RBFOX3: variants seen among roughly 807,000 people sequenced by gnomAD.
The protein encoded by RBFOX3 is RNA binding protein fox-1 homolog 3.
A neutral mutation model predicts 48.7 loss-of-function variants in RBFOX3; 17 were observed. The ratio of observed to expected loss-of-function variants is 0.35; its 90% CI spans 0.24 to 0.52. The LOEUF (loss-of-function observed/expected upper bound fraction) is 0.52. Among genes scored for constraint, RBFOX3 ranks in the 20% least tolerant of loss-of-function variants. RBFOX3 has a pLI of 0.94. For synonymous variants in RBFOX3, 212 were observed against 209.5 expected (o/e 1.01, Z -0.10); for missense variants, 382 against 497.5 (o/e 0.77, Z 2.21).
rs1158971425 is a variant in RBFOX3, at chr17:79,463,135, T to C, written c.-175+19319A>G. 6.3e-3 allele frequency among the ~76,000 whole-genome samples: 553 copies of C among 88,042 alleles called. 2 individuals are homozygous for C. Among genetic ancestry groups the C allele is most frequent in the Non-Finnish European group, 0.011 (454 of 41,466 alleles). 57.8% of individuals were successfully genotyped at this position (88,042 alleles called of 152,430 possible). A position where few individuals can be genotyped will look rare whatever the true frequency, so the allele number is the denominator to read the frequency against. ...TCGCCACTGCCATCGCCACCGCCACTGCCACCGCCACCTCCACCACCATCG... is the reference window on the plus strand; with the variant it reads ...TCGCCACTGCCATCGCCACCGCCACCGCCACCGCCACCTCCACCACCATCG... On this transcript the variant is annotated intron_variant, in intron 2 of 14. Coordinates refer to ENST00000693108, the MANE Select transcript of RBFOX3 (RefSeq NM_001350451.2).
intron 2 of RBFOX3, among the ~76,000 whole-genome samples, chr17:79,359,940 G>C (rs147192387): frequency 4.0e-4 from 61 of 152,202 alleles, no homozygotes; most frequent in African/African-American, 1.4e-3. Context: ...TGCCCAGGCT[G>C]ATCTCGAACT....
intron 2 of RBFOX3, among the ~76,000 whole-genome samples, chr17:79,348,556 A>G (rs78885237): frequency 5.8e-4 from 68 of 116,262 alleles, no homozygotes; most frequent in African/African-American, 2.1e-3. Context: ...AACAAACCCA[A>G]TTTCTTTTCT....
At chr17:79,306,106 C>T (rs1416040446) in intron 3 of RBFOX3, among the ~76,000 whole-genome samples, 1 of 152,266 alleles carries the variant, frequency 6.6e-6, no homozygotes, top group Non-Finnish European at 1.5e-5. Context: ...GGGCTCCATG[C>T]TCTGCAGAAA....
chr17:79,103,271 G>T lies in RBFOX3; in HGVS notation c.415-17C>A. On this transcript the variant is annotated splice_polypyrimidine_tract_variant and intron_variant, in intron 7 of 14. Coordinates refer to ENST00000693108, the MANE Select transcript of RBFOX3 (RefSeq NM_001350451.2). This position sits in a 1 kb window ranked among gnomAD's most constrained non-coding sequence, Gnocchi z 6.1. ...CCCAAAACCCTGTGAGCAGAGGAGA[G>T]GGAAGGACAGGCACGGAGAGGAGGA... The T allele has an allele frequency of 6.5e-7, 1 of 1,530,502 alleles. No individual in the cohort carries two copies. The highest frequency in any genetic ancestry group is 8.9e-7 in the Non-Finnish European group (1 of 1,128,060). The allele number at this position is 1,530,502 out of a possible 1,614,324, so 94.8% of individuals were successfully genotyped here. A position where few individuals can be genotyped will look rare whatever the true frequency, so the allele number is the denominator to read the frequency against.
At chr17:79,365,340 A>C (rs1263558569) in intron 2 of RBFOX3, among the ~76,000 whole-genome samples, 3 of 152,238 alleles carry the variant, frequency 2.0e-5, no homozygotes, top group Non-Finnish European at 1.5e-5. Context: ...TAAGTAATAC[A>C]ACAAACTCCT....
the RBFOX3 span, among the ~76,000 whole-genome samples, chr17:79,647,655 CAG>C: frequency 1.3e-5 from 2 of 152,188 alleles, no homozygotes; most frequent in African/African-American, 4.8e-5. Flanking sequence ...ACATGCCACA[CAG>C]AGCACCCCAG....
the RBFOX3 span, among the ~76,000 whole-genome samples, chr17:79,650,870 T>A: frequency 6.6e-6 from 1 of 152,150 alleles, no homozygotes; most frequent in Non-Finnish European, 1.5e-5. Context: ...AGCATCTCCA[T>A]GCCTGAAGCT....
chr17:79,261,132 G>A (rs1234304478), intron 3 of RBFOX3, among the ~76,000 whole-genome samples: 5 of 151,916 alleles, frequency 3.3e-5, no homozygotes, highest in South Asian at 2.1e-4. Context: ...CCCACCCCAC[G>A]GCGTTCGCTC....
At chr17:79,342,771 T>C (rs2082301664) in intron 2 of RBFOX3, among the ~76,000 whole-genome samples, 1 of 152,134 alleles carries the variant, frequency 6.6e-6, no homozygotes, top group Admixed American at 6.5e-5. Flanking sequence ...ACAGGCGAAA[T>C]GTGGCTTTAA....
chr17:79,592,052 TG>T (rs2093434666), intron 1 of RBFOX3, among the ~76,000 whole-genome samples: 1 of 150,414 alleles, frequency 6.6e-6, no homozygotes, highest in South Asian at 2.1e-4. Context: ...TGTATGTGTG[TG>T]GGTGTGTGCA....
At chr17:79,572,622 G>T (rs2092716332) in intron 1 of RBFOX3, among the ~76,000 whole-genome samples, 3 of 152,222 alleles carry the variant, frequency 2.0e-5, no homozygotes. Flanking sequence ...TTCCCCGGAG[G>T]TGGCCCCAGG....
At chr17:79,197,914 C>G (rs2055982334) in intron 4 of RBFOX3, among the ~76,000 whole-genome samples, 1 of 152,166 alleles carries the variant, frequency 6.6e-6, no homozygotes, top group Non-Finnish European at 1.5e-5. Context: ...CCTTCCTCAC[C>G]TCCCCCGACT....
At chr17:79,602,363 C>T (rs2093724620) in intron 1 of RBFOX3, among the ~76,000 whole-genome samples, 1 of 152,214 alleles carries the variant, frequency 6.6e-6, no homozygotes. Context: ...GTAATTCTCA[C>T]CTTAAATTTC....
At chr17:79,607,239 G>A (rs2093853266) in intron 1 of RBFOX3, among the ~76,000 whole-genome samples, 1 of 152,112 alleles carries the variant, frequency 6.6e-6, no homozygotes, top group South Asian at 2.1e-4. Flanking sequence ...AAAGTTTCAA[G>A]ATGGCTTCTT....
In RBFOX3 at chr17:79,530,174, C is replaced by T. The variant is rs1017105210; in HGVS notation, c.-319-47576G>A. ...ATCGGCAAAGTGAGTTTTCTTCGTTCTCACCCTGGAGAAAACCTCCAGCTG... is the reference window on the plus strand; with the variant it reads ...ATCGGCAAAGTGAGTTTTCTTCGTTTTCACCCTGGAGAAAACCTCCAGCTG... On this transcript the variant is annotated intron_variant, in intron 1 of 14. Coordinates refer to ENST00000693108, the MANE Select transcript of RBFOX3 (RefSeq NM_001350451.2). Among the ~76,000 whole-genome samples the T allele has an allele frequency of 9.1e-3, 1,380 of 152,302 alleles. 21 individuals are homozygous for T. The highest frequency in any genetic ancestry group is 0.012 in the Non-Finnish European group (819 of 68,030).
At chr17:79,654,571 C>T in the RBFOX3 span, among the ~76,000 whole-genome samples, 1 of 152,184 alleles carries the variant, frequency 6.6e-6, no homozygotes, top group Non-Finnish European at 1.5e-5. Flanking sequence ...GGGCACCAAC[C>T]GCCCCCAGGT....
chr17:79,544,295 C>T (rs2090108345), intron 1 of RBFOX3, among the ~76,000 whole-genome samples: 1 of 152,150 alleles, frequency 6.6e-6, no homozygotes, highest in South Asian at 2.1e-4. Flanking sequence ...AATCAGCCCC[C>T]AAGGATGCCA....
chr17:79,534,188 A>G (rs1568386497), intron 1 of RBFOX3, among the ~76,000 whole-genome samples: 1 of 152,208 alleles, frequency 6.6e-6, no homozygotes, highest in Non-Finnish European at 1.5e-5. Flanking sequence ...AAATTCTACA[A>G]TAGTGAAAAA....
intron 3 of RBFOX3, among the ~76,000 whole-genome samples, chr17:79,250,777 C>A: frequency 6.7e-6 from 1 of 149,300 alleles, no homozygotes; most frequent in African/African-American, 2.5e-5. Flanking sequence ...TTTTCTTTCC[C>A]TCCCTCCCTC....
Sources: gnomAD v4.1 joint callset for allele counts (sites outside exome capture counted in the v4.1 genomes callset) on GRCh38, gnomAD v4.1.1 for gene constraint, Gnocchi (gnomAD v3.1) non-coding constraint, MANE v1.5 for transcripts, NCBI Gene and HGNC (gene_info 2026-07-23, HGNC 2026-07-21) for gene names.